Variants in MYO7B observed in about 807,000 individuals in gnomAD.
MYO7B encodes myosin VIIB, also known as unconventional myosin-VIIb.
In MYO7B, 212 loss-of-function variants were observed where a neutral mutation model predicts 259.7. That is an observed-to-expected ratio of 0.82 (90% CI 0.73 to 0.91). MYO7B has a LOEUF of 0.91. Ranked by LOEUF, MYO7B falls within the 40% of genes least tolerant of loss-of-function variation. MYO7B has a pLI of 0.00. For synonymous variants in MYO7B, 1,197 were observed against 1,166.4 expected (o/e 1.03, Z -0.54); for missense variants, 2,732 against 2,813.5 (o/e 0.97, Z 0.66).
rs1363529187 is a variant in MYO7B, at chr2:127,596,422, G to A, written c.2245-40G>A. On this transcript the variant is annotated intron_variant, in intron 18 of 47. Coordinates refer to ENST00000409816, the MANE Select transcript of MYO7B (RefSeq NM_001393586.1). ...TGGCCCCAGGCAGGGGCTGTAGGGT[G>A]AGGGTGAGCAGCCCAGTGACGGCGT... 3 of 1,496,754 alleles carry A rather than the reference G, an allele frequency of 2.0e-6. No homozygotes were observed. The African/African-American group carries it at 4.1e-5, about 21-fold the overall frequency. The allele number at this position is 1,496,754 out of a possible 1,614,324, so 92.7% of individuals were successfully genotyped here. A position where few individuals can be genotyped will look rare whatever the true frequency, so the allele number is the denominator to read the frequency against.
At chr2:127,623,843 ATCGGCCAGAC>A (rs1338623848) in intron 29 of MYO7B, among the ~76,000 whole-genome samples, 1 of 152,210 alleles carries the variant, frequency 6.6e-6, no homozygotes, top group East Asian at 1.9e-4. Context: ...GATGAGTCAC[ATCGGCCAGAC>A]TCATGTCTGC....
At position 127,597,611 on chromosome 2, in the gene MYO7B, A is replaced by C. The variant is rs1271420747; in HGVS notation, c.2339+1055A>C. Among the ~76,000 whole-genome samples the C allele has an allele frequency of 6.9e-6, 1 of 145,792 alleles. No homozygotes were observed. The highest frequency in any genetic ancestry group is 1.5e-5 in the Non-Finnish European group (1 of 66,790). On this transcript the variant is annotated intron_variant, in intron 19 of 47. Coordinates refer to ENST00000409816, the MANE Select transcript of MYO7B (RefSeq NM_001393586.1). The surrounding 1 kb of genome is among the most constrained non-coding windows in gnomAD (Gnocchi z 4.8). Reference sequence around the variant, plus strand: ...TTCATCCAGGTTATTGCTTGCATTAATATTTATTTATTTATTTATTTATTT... The same window carrying C: ...TTCATCCAGGTTATTGCTTGCATTACTATTTATTTATTTATTTATTTATTT...
intron 2 of MYO7B, among the ~76,000 whole-genome samples, chr2:127,560,457 C>T (rs1678035256): frequency 6.6e-6 from 1 of 152,136 alleles, no homozygotes; most frequent in African/African-American, 2.4e-5. Context: ...GCATCGTGTT[C>T]CCTTCACTCA....
At position 127,615,808 on chromosome 2, in the gene MYO7B, A is replaced by G. The variant is rs1370409208; in HGVS notation, c.3398+3205A>G. Among the ~76,000 whole-genome samples, 2 of 151,838 alleles carry G rather than the reference A, an allele frequency of 1.3e-5. No homozygotes were observed. The highest frequency in any genetic ancestry group is 2.9e-5 in the Non-Finnish European group (2 of 68,002). On this transcript the variant is annotated intron_variant, in intron 26 of 47. Coordinates refer to ENST00000409816, the MANE Select transcript of MYO7B (RefSeq NM_001393586.1). This position sits in a 1 kb window ranked among gnomAD's most constrained non-coding sequence, Gnocchi z 4.4. ...TGTTTTGAATTAATTGAGAAAGGCA[A>G]TTGCAGGCTGTGCAGCCCTTAATTG...
chr2:127,624,193 G>A lies in MYO7B; in HGVS notation c.3920G>A (p.Trp1307Ter). 6.3e-7 allele frequency: 1 copy of A among 1,597,032 alleles called. No homozygotes were observed. The highest frequency in any genetic ancestry group is 8.5e-7 in the Non-Finnish European group (1 of 1,172,506). ...ERGESQRQSP[W>*]RIYFRKEFFT... ...GGCGAGAGCCAGCGCCAGTCACCCTGGCGCATCTACTTCCGGAAGGAATTC... is the reference window on the plus strand; with the variant it reads ...GGCGAGAGCCAGCGCCAGTCACCCTAGCGCATCTACTTCCGGAAGGAATTC... Residue 1307 changes from tryptophan to a stop codon, truncating the protein, a stop_gained, in exon 30 of 48, where the codon TGG becomes TAG. Coordinates refer to ENST00000409816, the MANE Select transcript of MYO7B (RefSeq NM_001393586.1). LOFTEE classifies it high-confidence loss of function.
chr2:127,620,289 C>T lies in MYO7B; in HGVS notation c.3399-51C>T, dbSNP rs549266243. On this transcript the variant is annotated intron_variant, in intron 26 of 47. Coordinates refer to ENST00000409816, the MANE Select transcript of MYO7B (RefSeq NM_001393586.1). The stretch of plus-strand genomic sequence containing the variant: ...CTGTGTGCCCAGGTACCCCTGTCTC[C>T]TCTCCTCCTCCAGCCCCCAGCCTAC... 3 of 1,563,692 alleles carry T rather than the reference C, an allele frequency of 1.9e-6. No individual in the cohort carries two copies. In the East Asian group the frequency reaches 6.8e-5, roughly 36 times the overall value.
In MYO7B at chr2:127,635,242, C is replaced by T. The variant is rs1205370578; in HGVS notation, c.5820+16C>T. The T allele has an allele frequency of 6.2e-7, 1 of 1,603,752 alleles. No homozygotes were observed. The highest frequency in any genetic ancestry group is 2.2e-5 in the East Asian group (1 of 44,662). ...TTACCACCAGGTACCGGGCAGGCTG[C>T]CCTGGTGGGCACTGGGGCCACCCCC... On this transcript the variant is annotated intron_variant, in intron 43 of 47. Transcript: ENST00000409816.
At chr2:127,551,895 G>A (rs1324926076) in intron 1 of MYO7B, among the ~76,000 whole-genome samples, 3 of 152,146 alleles carry the variant, frequency 2.0e-5, no homozygotes, top group Non-Finnish European at 4.4e-5. Context: ...CCTAAAGAAG[G>A]ATCTCTGGAC....
chr2:127,626,719 C>T (rs573138284), intron 31 of MYO7B: 17 of 361,290 alleles, frequency 4.7e-5, no homozygotes, highest in African/African-American at 1.5e-4. Context: ...GCGGAGCTTG[C>T]GGTGAGCCAA....
rs747710716 is a variant in MYO7B, at chr2:127,582,288, C to T, written c.1201-16C>T. On this transcript the variant is annotated splice_polypyrimidine_tract_variant and intron_variant, in intron 11 of 47. Coordinates refer to ENST00000409816, the MANE Select transcript of MYO7B (RefSeq NM_001393586.1). ...GCCTCCAAGCCCAGGATTCTCCCAC[C>T]CCCGTGTCTCTCCAGGGCATCTATG... 6.2e-7 allele frequency: 1 copy of T among 1,611,886 alleles called. No homozygotes were observed. Among genetic ancestry groups the T allele is most frequent in the Admixed American group, 1.7e-5 (1 of 59,734 alleles).
At chr2:127,618,085 A>G (rs970084774) in intron 26 of MYO7B, among the ~76,000 whole-genome samples, 10 of 151,396 alleles carry the variant, frequency 6.6e-5, no homozygotes, top group East Asian at 1.9e-4. Flanking sequence ...ACTTATCTCT[A>G]TTTGTCCCTG....
rs200072803 is a variant in MYO7B, at chr2:127,636,287, G to A, written c.6086G>A (p.Arg2029Gln). ...AKVAFLKWICRWPTFGSAFFE... is the reference protein window; with the variant it reads ...AKVAFLKWICQWPTFGSAFFE... ...GTGGCCTTCCTGAAGTGGATCTGCC[G>A]GTGGCCCACCTTCGGATCCGCCTTC... is the stretch of plus-strand genomic sequence containing the variant. Residue 2029 changes from arginine (R) to glutamine (Q), a missense_variant, in exon 45 of 48, where the codon CGG (arginine) becomes CAG (glutamine). Arg to Gln is a conservative substitution (Grantham distance 43, BLOSUM62 1). This residue lies in a region of MYO7B where 821 missense variants were observed against 769.3 expected (regional missense o/e 1.07). Transcript: ENST00000409816. This position sits in a 1 kb window ranked among gnomAD's most constrained non-coding sequence, Gnocchi z 4.5. 1.1e-3 allele frequency: 1,822 copies of A among 1,613,562 alleles called. 14 individuals are homozygous for A. The highest frequency in any genetic ancestry group is 0.01 in the South Asian group (922 of 91,078).
In MYO7B at chr2:127,625,507, C is replaced by A; in HGVS notation, c.4187C>A (p.Ala1396Glu). The change falls in exon 31 of 48, where the codon GCG becomes GAG. Residue 1396 changes from alanine (A) to glutamate (E), a missense_variant. Coordinates refer to ENST00000409816, the MANE Select transcript of MYO7B (RefSeq NM_001393586.1). The part of the protein sequence containing the change: ...LYRTKPPDRW[A>E]SLVTAACAKA... ...AGGACCAAGCCCCCAGACAGGTGGG[C>A]GAGCCTCGTCACTGCCGCCTGCGCC... The A allele has an allele frequency of 6.2e-7, 1 of 1,605,288 alleles. No homozygotes were observed.
At chr2:127,634,482 C>T (rs990037741) in intron 41 of MYO7B, 114 bp from the exon 42 acceptor site, 8 of 993,032 alleles carry the variant, frequency 8.1e-6, no homozygotes, top group African/African-American at 3.2e-5. Flanking sequence ...CACGCACAGC[C>T]GACTCCAGCG....
chr2:127,582,152 C>T, intron 11 of MYO7B, 142 bp downstream of exon 11: 4 of 1,464,870 alleles, frequency 2.7e-6, no homozygotes, highest in Non-Finnish European at 2.8e-6. Flanking sequence ...TGACCATGGA[C>T]TCCTCAGCCT....
chr2:127,624,682 G>A (rs1681016394), intron 30 of MYO7B, among the ~76,000 whole-genome samples: 2 of 152,238 alleles, frequency 1.3e-5, no homozygotes, highest in Admixed American at 1.3e-4. Context: ...TGTGACCTTG[G>A]AAAGTCCTGT....
intron 7 of MYO7B, among the ~76,000 whole-genome samples, chr2:127,575,157 T>G (rs1678815284): frequency 6.6e-6 from 1 of 152,228 alleles, no homozygotes; most frequent in Non-Finnish European, 1.5e-5. Context: ...GACCTGGTGC[T>G]ATACTTTTCC....
chr2:127,607,224 C>A lies in MYO7B; in HGVS notation c.2443C>A (p.Arg815Ser), dbSNP rs906316486. The A allele has an allele frequency of 1.6e-5, 25 of 1,549,088 alleles. No individual in the cohort carries two copies. Among genetic ancestry groups the A allele is most frequent in the African/African-American group, 2.7e-5 (2 of 73,030 alleles). The change falls in exon 21 of 48, where the codon CGC becomes AGC. Residue 815 changes from arginine to serine, a missense_variant. Arg to Ser is a moderately radical substitution (Grantham distance 110). Transcript: ENST00000409816. This position sits in a 1 kb window ranked among gnomAD's most constrained non-coding sequence, Gnocchi z 4.4. ...NFKLILVGFE[R>S]LQAIARSQPL... Reference sequence around the variant, plus strand: ...TCCGCAGATCCTCGTGGGCTTTGAGCGCCTGCAGGCTATTGCCCGGAGCCA... The same window carrying A: ...TCCGCAGATCCTCGTGGGCTTTGAGAGCCTGCAGGCTATTGCCCGGAGCCA...
At chr2:127,578,307 A>G (rs1054134609) in intron 9 of MYO7B, 21 bp downstream of exon 9, 4 of 1,613,078 alleles carry the variant, frequency 2.5e-6, no homozygotes, top group Non-Finnish European at 2.5e-6. Context: ...TTCTGCCCCA[A>G]CTGCACCCTT....
Sources: allele counts gnomAD v4.1 joint callset (sites outside exome capture counted in the v4.1 genomes callset), GRCh38; gene constraint gnomAD v4.1.1; regional missense constraint gnomAD v4.1.1; non-coding constraint Gnocchi (gnomAD v3.1); transcripts MANE v1.5; gene names NCBI Gene and HGNC (gene_info 2026-07-23, HGNC 2026-07-21).